Variants in NRXN3 observed in about 807,000 individuals in gnomAD.
NRXN3 encodes neurexin 3, also known as neurexin III.
Under a neutral mutation model 137.6 loss-of-function variants are expected in NRXN3, and 32 were observed. That is an observed-to-expected ratio of 0.23 (90% confidence interval 0.18 to 0.31). NRXN3 has a LOEUF of 0.31. NRXN3 is among the 10% of genes least tolerant of loss of function. The pLI, the probability that NRXN3 is intolerant of heterozygous loss-of-function variation, is 1.00. For missense variants in NRXN3, 1,574 were observed against 2,062.5 expected, an observed-to-expected ratio of 0.76 and a Z score of 4.59; for synonymous variants, 798 against 784.5, an observed-to-expected ratio of 1.02 and a Z score of -0.29.
chr14:78,535,785 A>G (rs1287410030), intron 4 of NRXN3, among the ~76,000 whole-genome samples: 1 of 152,222 alleles, frequency 6.6e-6, no homozygotes, highest in Non-Finnish European at 1.5e-5. Context: ...AAAATGGATA[A>G]TCATGCTTAA....
At position 79,011,536 on chromosome 14, in the gene NRXN3, A is replaced by G. The variant is rs148349132; in HGVS notation, c.3262+23395A>G. 5.2e-3 allele frequency among the ~76,000 whole-genome samples: 789 copies of G among 152,102 alleles called. 9 individuals carry two copies. The highest frequency in any genetic ancestry group is 0.018 in the African/African-American group (751 of 41,476). ...ATTATCCATGTTGATAACAAAGATAATTAAACTTATTTGAAAATTTTGGAC... is the reference window on the plus strand; with the variant it reads ...ATTATCCATGTTGATAACAAAGATAGTTAAACTTATTTGAAAATTTTGGAC... On this transcript the variant is annotated intron_variant, in intron 15 of 20. Coordinates refer to ENST00000335750, the MANE Select transcript of NRXN3 (RefSeq NM_001330195.2).
chr14:78,174,721 A>T (rs903846825), intron 1 of NRXN3, among the ~76,000 whole-genome samples: 5 of 152,040 alleles, frequency 3.3e-5, no homozygotes, highest in African/African-American at 9.7e-5. Flanking sequence ...AGAAGCAGGG[A>T]TGGTCAGTGG....
intron 15 of NRXN3, among the ~76,000 whole-genome samples, chr14:79,236,127 C>T (rs1487159515): frequency 6.6e-6 from 1 of 152,070 alleles, no homozygotes; most frequent in Non-Finnish European, 1.5e-5. Context: ...GAAAATCTGG[C>T]TGAAGCTGTG....
intron 10 of NRXN3, among the ~76,000 whole-genome samples, chr14:78,901,980 G>GT (rs1262480338): frequency 6.6e-6 from 1 of 152,042 alleles, no homozygotes; most frequent in East Asian, 1.9e-4. Flanking sequence ...AGGTTGTCGG[G>GT]TATGCAAGGG....
chr14:78,544,004 G>A (rs1188802195), intron 4 of NRXN3, among the ~76,000 whole-genome samples: 1 of 152,174 alleles, frequency 6.6e-6, no homozygotes, highest in Middle Eastern at 3.2e-3. Context: ...AAGGCAGAAT[G>A]TATTTACTGT....
intron 15 of NRXN3, among the ~76,000 whole-genome samples, chr14:79,308,934 T>C (rs1421167093): frequency 1.0e-4 from 14 of 136,774 alleles, no homozygotes; most frequent in Non-Finnish European, 1.7e-4. Flanking sequence ...TATTTTTTAA[T>C]TTTTTTTTTA....
At chr14:78,437,659 G>A (rs999730858) in intron 4 of NRXN3, among the ~76,000 whole-genome samples, 3 of 152,110 alleles carry the variant, frequency 2.0e-5, no homozygotes, top group African/African-American at 4.8e-5. Context: ...TGTGGTTTCC[G>A]ATCACAGTTT....
chr14:78,201,273 G>C (rs1400464595), intron 1 of NRXN3, among the ~76,000 whole-genome samples: 1 of 152,178 alleles, frequency 6.6e-6, no homozygotes, highest in Non-Finnish European at 1.5e-5. Flanking sequence ...CAGGCTCCCT[G>C]ACTTTGTACA....
chr14:79,667,565 G>T (rs890464805), intron 17 of NRXN3, among the ~76,000 whole-genome samples: 1 of 151,812 alleles, frequency 6.6e-6, no homozygotes, highest in Non-Finnish European at 1.5e-5. Flanking sequence ...TGTGAATCAG[G>T]GAAGAAACAG....
intron 18 of NRXN3, among the ~76,000 whole-genome samples, chr14:79,694,876 A>G (rs568744779): frequency 5.1e-4 from 78 of 152,110 alleles, no homozygotes; most frequent in Non-Finnish European, 7.8e-4. Flanking sequence ...GCAGAAGAGC[A>G]GATCTAGCCA....
intron 14 of NRXN3, among the ~76,000 whole-genome samples, chr14:78,978,292 C>A (rs952916772): frequency 2.6e-5 from 4 of 152,050 alleles, no homozygotes; most frequent in African/African-American, 9.7e-5. Flanking sequence ...ATACAGCCAC[C>A]CTTAGGTCTC....
chr14:79,694,127 G>A (rs975328964), intron 18 of NRXN3, among the ~76,000 whole-genome samples: 1 of 151,944 alleles, frequency 6.6e-6, no homozygotes, highest in African/African-American at 2.4e-5. Context: ...TGTCACTGGG[G>A]TGGAGAGCTG....
intron 10 of NRXN3, among the ~76,000 whole-genome samples, chr14:78,908,371 A>T (rs1567672169): frequency 6.6e-6 from 1 of 151,968 alleles, no homozygotes; most frequent in Non-Finnish European, 1.5e-5. Flanking sequence ...AATACATCTG[A>T]TCCTATCTTC....
At chr14:78,377,530 G>A (rs1281064431) in intron 4 of NRXN3, among the ~76,000 whole-genome samples, 1 of 152,246 alleles carries the variant, frequency 6.6e-6, no homozygotes, top group African/African-American at 2.4e-5. Flanking sequence ...AAGGATAAAT[G>A]TATGAGTCTG....
Position 78,714,935 on chromosome 14 carries a change from C to T in NRXN3, c.1840C>T (p.Leu614=). 1.2e-6 allele frequency: 2 copies of T among 1,614,150 alleles called. No homozygotes were observed. Among genetic ancestry groups the T allele is most frequent in the African/African-American group, 1.3e-5 (1 of 75,050 alleles). The change falls in exon 8 of 21, where the codon CTA becomes TTA. Residue 614 remains leucine (L), a synonymous_variant. Transcript: ENST00000335750. ...TGGCTACGTGGGCTGCATCCGCGAC[C>T]TATTCATTGATGGGCGCAGCAAGAA... The part of the protein sequence containing the change: ...NYGYVGCIRD[L]FIDGRSKNIR...
intron 16 of NRXN3, among the ~76,000 whole-genome samples, chr14:79,577,750 ATAAAT>A (rs1287713171): frequency 6.6e-6 from 1 of 152,234 alleles, no homozygotes; most frequent in Non-Finnish European, 1.5e-5. Context: ...GTATTGAGTA[ATAAAT>A]TAATGAATAA....
At chr14:78,278,420 A>T (rs1381860502) in intron 2 of NRXN3, among the ~76,000 whole-genome samples, 6 of 152,180 alleles carry the variant, frequency 3.9e-5, no homozygotes, top group Non-Finnish European at 7.3e-5. Flanking sequence ...CTCTTGCTAC[A>T]TGCAAAGTGA....
intron 15 of NRXN3, among the ~76,000 whole-genome samples, chr14:79,458,839 C>G (rs1200296925): frequency 6.6e-6 from 1 of 152,048 alleles, no homozygotes; most frequent in African/African-American, 2.4e-5. Context: ...CAGGAATGGA[C>G]TATTATCTGA....
intron 4 of NRXN3, among the ~76,000 whole-genome samples, chr14:78,592,908 A>G (rs2097128937): frequency 6.6e-6 from 1 of 152,196 alleles, no homozygotes; most frequent in Non-Finnish European, 1.5e-5. Context: ...TCCCATCTGC[A>G]GGGGATGCTC....
Sources: gnomAD v4.1 joint callset for allele counts (sites outside exome capture counted in the v4.1 genomes callset) on GRCh38, gnomAD v4.1.1 for gene constraint, MANE v1.5 for transcripts, NCBI Gene and HGNC (gene_info 2026-07-23, HGNC 2026-07-21) for gene names.